ADARB2: variants seen among roughly 807,000 people sequenced by gnomAD.
ADARB2 encodes inactive double-stranded RNA-specific editase B2.
ADARB2 carries 25 observed loss-of-function variants against 62.2 expected under a neutral mutation model. That is an observed-to-expected ratio of 0.40 (90% confidence interval 0.29 to 0.56). The LOEUF (loss-of-function observed/expected upper bound fraction) is 0.56. Ranked by LOEUF, ADARB2 falls within the 20% of genes least tolerant of loss-of-function variation. The probability of loss-of-function intolerance (pLI) is 0.43; values close to 1 mark genes in which losing one functional copy is unlikely to be tolerated. For synonymous variants in ADARB2, 572 were observed against 500.8 expected (o/e 1.14, Z -1.90); for missense variants, 1,071 against 1,077.4 (o/e 0.99, Z 0.08).
At chr10:1,697,463 G>A (rs1030570667) in intron 1 of ADARB2, among the ~76,000 whole-genome samples, 2 of 152,280 alleles carry the variant, frequency 1.3e-5, no homozygotes, top group Admixed American at 1.3e-4. Context: ...AGGCATCGAT[G>A]CACAAGACGG....
chr10:1,218,905 C>T (rs910763891), intron 6 of ADARB2, among the ~76,000 whole-genome samples: 5 of 151,758 alleles, frequency 3.3e-5, no homozygotes, highest in Non-Finnish European at 7.4e-5. Context: ...AAAAAATTAG[C>T]CGGGCGTGGT....
At position 1,433,180 on chromosome 10, in the gene ADARB2, G is replaced by A. The variant is rs560169624; in HGVS notation, c.101-54020C>T. ...GAGGAGTCATGCAAGGAAAGGCGAA[G>A]CTTGAGAAAGAACACGGTGGGATAG... On this transcript the variant is annotated intron_variant, in intron 1 of 9. Coordinates refer to ENST00000381312, the MANE Select transcript of ADARB2 (RefSeq NM_018702.4). Among the ~76,000 whole-genome samples the A allele has an allele frequency of 5.3e-5, 8 of 152,336 alleles. No homozygotes were observed. In the South Asian group the frequency reaches 1.5e-3, roughly 28 times the overall value.
chr10:1,202,964 A>C (rs1487611431), intron 7 of ADARB2, among the ~76,000 whole-genome samples: 1 of 152,200 alleles, frequency 6.6e-6, no homozygotes, highest in African/African-American at 2.4e-5. Flanking sequence ...TAACCTTTAC[A>C]ATAAAGAGGA....
At chr10:1,322,660 G>A (rs778079294) in intron 3 of ADARB2, among the ~76,000 whole-genome samples, 5 of 152,062 alleles carry the variant, frequency 3.3e-5, no homozygotes, top group African/African-American at 4.8e-5. Flanking sequence ...AAGAGCCACT[G>A]GCACATCACC....
chr10:1,477,228 G>A lies in ADARB2; in HGVS notation c.101-98068C>T, dbSNP rs140066678. On this transcript the variant is annotated intron_variant, in intron 1 of 9. Transcript: ENST00000381312. The surrounding 1 kb of genome is among the most constrained non-coding windows in gnomAD (Gnocchi z 4.5). ...AGAAGTGACTGCACTGATCAGAAGT[G>A]TGGAGTCCTGATAAGATTAGTAAGT... Among the ~76,000 whole-genome samples the A allele has an allele frequency of 5.4e-3, 817 of 152,344 alleles. 5 individuals carry two copies. The highest frequency in any genetic ancestry group is 0.018 in the African/African-American group (754 of 41,582).
intron 1 of ADARB2, among the ~76,000 whole-genome samples, chr10:1,632,145 T>C (rs1833851355): frequency 6.6e-6 from 1 of 152,224 alleles, no homozygotes; most frequent in Admixed American, 6.5e-5. Flanking sequence ...CTAAACTGGA[T>C]AAATTCATCA....
intron 1 of ADARB2, among the ~76,000 whole-genome samples, chr10:1,431,525 A>G (rs1830777824): frequency 1.3e-5 from 2 of 152,184 alleles, no homozygotes; most frequent in African/African-American, 2.4e-5. Flanking sequence ...AAAGGTCTCA[A>G]ATCAATGGTG....
At chr10:1,736,532 A>C (rs1835302265) in intron 1 of ADARB2, among the ~76,000 whole-genome samples, 2 of 152,112 alleles carry the variant, frequency 1.3e-5, no homozygotes, top group Non-Finnish European at 2.9e-5. Context: ...TTTACGACCC[A>C]ATGTTTACAA....
chr10:1,234,889 C>G (rs1830849846), intron 5 of ADARB2, among the ~76,000 whole-genome samples: 1 of 151,952 alleles, frequency 6.6e-6, no homozygotes, highest in Non-Finnish European at 1.5e-5. Flanking sequence ...GTTGGGATTA[C>G]AGGTGCATGC....
intron 1 of ADARB2, among the ~76,000 whole-genome samples, chr10:1,582,877 AC>A (rs1467633438): frequency 6.6e-6 from 1 of 152,138 alleles, no homozygotes; most frequent in Non-Finnish European, 1.5e-5. Context: ...CTCTGCTCAG[AC>A]CCAGGGGCTA....
At position 1,677,646 on chromosome 10, in the gene ADARB2, C is replaced by T. The variant is rs566214586; in HGVS notation, c.100+59405G>A. On this transcript the variant is annotated intron_variant, in intron 1 of 9. Transcript: ENST00000381312. ...TGGAGCTCAAGAAGGCGGCTGTCTA[C>T]CTGTTGTTGGATTCACTTTTTACCT... 2.0e-5 allele frequency among the ~76,000 whole-genome samples: 3 copies of T among 152,280 alleles called. No individual in the cohort carries two copies. In the South Asian group the frequency reaches 6.2e-4, roughly 32 times the overall value.
chr10:1,681,485 T>C (rs78492455), intron 1 of ADARB2, among the ~76,000 whole-genome samples: 4 of 148,234 alleles, frequency 2.7e-5, no homozygotes, highest in African/African-American at 9.9e-5. Context: ...TAAAAAATAT[T>C]AAAAAAAAAA....
chr10:1,694,925 G>A (rs187446440), intron 1 of ADARB2, among the ~76,000 whole-genome samples: 3 of 152,216 alleles, frequency 2.0e-5, no homozygotes, highest in East Asian at 1.9e-4. Flanking sequence ...TCCTTTTCAC[G>A]TGAAGCCTCT....
At chr10:1,462,000 T>C (rs538391745) in intron 1 of ADARB2, among the ~76,000 whole-genome samples, 2 of 152,268 alleles carry the variant, frequency 1.3e-5, no homozygotes, top group African/African-American at 4.8e-5. Flanking sequence ...AGACTCCATC[T>C]CAAAAAAATA....
Position 1,496,502 on chromosome 10 carries a change from T to C in ADARB2, c.101-117342A>G, listed in dbSNP as rs1234741038. 3.3e-5 allele frequency among the ~76,000 whole-genome samples: 5 copies of C among 152,044 alleles called. No homozygotes were observed. In the East Asian group the frequency reaches 9.6e-4, roughly 29 times the overall value. On this transcript the variant is annotated intron_variant, in intron 1 of 9. Coordinates refer to ENST00000381312, the MANE Select transcript of ADARB2 (RefSeq NM_018702.4). ...CATTGTCATCACCATCACCATATCATTGTCATGATCACCAACATCACCATG... is the reference window on the plus strand; with the variant it reads ...CATTGTCATCACCATCACCATATCACTGTCATGATCACCAACATCACCATG...
At chr10:1,371,387 A>G (rs566364808) in intron 2 of ADARB2, among the ~76,000 whole-genome samples, 27 of 152,352 alleles carry the variant, frequency 1.8e-4, no homozygotes, top group African/African-American at 6.5e-4. Flanking sequence ...CCTAGGCAAA[A>G]GATTTATGAT....
At chr10:1,325,749 T>C (rs756858319) in intron 3 of ADARB2, among the ~76,000 whole-genome samples, 5 of 152,204 alleles carry the variant, frequency 3.3e-5, no homozygotes, top group Middle Eastern at 3.4e-3. Context: ...TTCTCAGTCC[T>C]GGGAGAAGGA....
At chr10:1,354,714 G>A (rs962364898) in intron 3 of ADARB2, among the ~76,000 whole-genome samples, 4 of 152,164 alleles carry the variant, frequency 2.6e-5, no homozygotes, top group African/African-American at 7.2e-5. Context: ...CTCCTCTCTC[G>A]GATGCACCTC....
At chr10:1,599,197 G>A (rs749306620) in intron 1 of ADARB2, among the ~76,000 whole-genome samples, 5 of 152,172 alleles carry the variant, frequency 3.3e-5, no homozygotes, top group Admixed American at 1.3e-4. Flanking sequence ...GCGTTGACTC[G>A]CTTGACAAAG....
Sources: allele counts gnomAD v4.1 joint callset (sites outside exome capture counted in the v4.1 genomes callset), GRCh38; gene constraint gnomAD v4.1.1; non-coding constraint Gnocchi (gnomAD v3.1); transcripts MANE v1.5; gene names NCBI Gene and HGNC (gene_info 2026-07-23, HGNC 2026-07-21).